HLF: variants seen among roughly 807,000 people sequenced by gnomAD.
The protein encoded by HLF is HLF transcription factor, PAR bZIP family member.
In HLF, 3 loss-of-function variants were observed where a neutral mutation model predicts 22.6. The ratio of observed to expected loss-of-function variants is 0.13; its 90% CI spans 0.06 to 0.34. The LOEUF is 0.34. Ranked by LOEUF, HLF falls within the 10% of genes least tolerant of loss-of-function variation. The probability of loss-of-function intolerance (pLI) is 1.00; values close to 1 mark genes in which losing one functional copy is unlikely to be tolerated. For missense variants in HLF, 299 were observed against 389.2 expected (o/e 0.77, Z 1.95); for synonymous variants, 151 against 151.8 (o/e 0.99, Z 0.04).
At chr17:55,311,139 G>C (rs1904809515) in intron 2 of HLF, among the ~76,000 whole-genome samples, 1 of 152,070 alleles carries the variant, frequency 6.6e-6, no homozygotes, top group Non-Finnish European at 1.5e-5. Context: ...AGTTTACCTA[G>C]AAGAGTATAT....
chr17:55,282,493 T>C (rs924724145), intron 2 of HLF, among the ~76,000 whole-genome samples: 2 of 152,354 alleles, frequency 1.3e-5, no homozygotes, highest in Admixed American at 1.3e-4. Context: ...ATGTCCATTA[T>C]TATTTCCATT....
At chr17:55,315,658 C>G (rs1905036433) in intron 3 of HLF, among the ~76,000 whole-genome samples, 1 of 152,008 alleles carries the variant, frequency 6.6e-6, no homozygotes, top group African/African-American at 2.4e-5. Context: ...TGAACAGAAA[C>G]AAGGAGAAGC....
chr17:55,286,656 A>G (rs2081006692), intron 2 of HLF, among the ~76,000 whole-genome samples: 2 of 152,222 alleles, frequency 1.3e-5, no homozygotes, highest in Admixed American at 6.5e-5. Flanking sequence ...CCCCTCTCAT[A>G]ACAAACGGTT....
chr17:55,266,190 G>C (rs930598330), intron 1 of HLF: 1 of 152,378 alleles, frequency 6.6e-6, no homozygotes, highest in Non-Finnish European at 1.5e-5. Context: ...GTGGTCTCTC[G>C]GCGGGAAGCC....
chr17:55,265,655 C>T (rs972184644), intron 1 of HLF, 56 bp downstream of exon 1: 2 of 1,334,690 alleles, frequency 1.5e-6, no homozygotes, highest in South Asian at 1.3e-5. Flanking sequence ...GGGTCCCCCT[C>T]CGCGGCCGGG....
At chr17:55,310,306 T>A (rs1202021319) in intron 2 of HLF, among the ~76,000 whole-genome samples, 4 of 152,234 alleles carry the variant, frequency 2.6e-5, no homozygotes, top group Non-Finnish European at 5.9e-5. Flanking sequence ...ATGGATCTTT[T>A]AAATAAAGCT....
rs145011339 is a variant in HLF, at chr17:55,268,096, C to A, written c.451+10C>A. 4.0e-6 allele frequency: 6 copies of A among 1,508,936 alleles called. No homozygotes were observed. In the African/African-American group the frequency reaches 5.6e-5, roughly 14 times the overall value. The allele number at this position is 1,508,936 out of a possible 1,614,324, so 93.5% of individuals were successfully genotyped here. On this transcript the variant is annotated intron_variant, in intron 2 of 3. Transcript: ENST00000226067. Reference sequence around the variant, plus strand: ...AGCCCCATCAGACCAGGTAAGTGCCCTGAAGATTCTCCCTTCAGAAAGGGA... The same window carrying A: ...AGCCCCATCAGACCAGGTAAGTGCCATGAAGATTCTCCCTTCAGAAAGGGA...
rs2080936526 is a variant in HLF, at chr17:55,279,712, C to A, written c.451+11626C>A. 1.3e-5 allele frequency among the ~76,000 whole-genome samples: 2 copies of A among 151,946 alleles called. 1 individual carries two copies. The highest frequency in any genetic ancestry group is 4.1e-4 in the South Asian group (2 of 4,822). On this transcript the variant is annotated intron_variant, in intron 2 of 3. Coordinates refer to ENST00000226067, the MANE Select transcript of HLF (RefSeq NM_002126.5). Reference sequence around the variant, plus strand: ...TAACTGTGTATATATAAATTAATATCCTGAACCACAAGTGCGTATTAGTGA... The same window carrying A: ...TAACTGTGTATATATAAATTAATATACTGAACCACAAGTGCGTATTAGTGA...
At chr17:55,265,625 G>C in intron 1 of HLF, 26 bp downstream of exon 1, 2 of 1,502,824 alleles carry the variant, frequency 1.3e-6, no homozygotes, top group Non-Finnish European at 1.8e-6. Context: ...GCCCCGCTCC[G>C]GGAAGGGACG....
At chr17:55,298,656 G>T (rs1373138614) in intron 2 of HLF, among the ~76,000 whole-genome samples, 2 of 152,156 alleles carry the variant, frequency 1.3e-5, no homozygotes. Flanking sequence ...GTAAAGCAAG[G>T]CTGAATTACT....
At chr17:55,291,352 G>A (rs1035202832) in intron 2 of HLF, among the ~76,000 whole-genome samples, 1 of 152,218 alleles carries the variant, frequency 6.6e-6, no homozygotes, top group Non-Finnish European at 1.5e-5. Flanking sequence ...GTGACTTTAA[G>A]TTGAAGCCAG....
At chr17:55,277,233 TTA>T (rs72022084) in intron 2 of HLF, among the ~76,000 whole-genome samples, 56,041 of 138,638 alleles carry the variant, frequency 0.4, 11,630 homozygotes, top group Admixed American at 0.47. Context: ...GAACCAGATG[TTA>T]TGTGTATGTG....
intron 1 of HLF, chr17:55,266,244 G>A (rs575197544): frequency 2.0e-5 from 3 of 152,416 alleles, no homozygotes; most frequent in African/African-American, 7.2e-5. Flanking sequence ...CACTTTTTCT[G>A]GTGGGAGGGG....
intron 2 of HLF, among the ~76,000 whole-genome samples, chr17:55,282,067 A>G (rs1308078225): frequency 6.6e-6 from 1 of 152,230 alleles, no homozygotes; most frequent in African/African-American, 2.4e-5. Context: ...TTCCTCATCC[A>G]GAACATGATG....
chr17:55,302,768 T>A (rs988757780), intron 2 of HLF, among the ~76,000 whole-genome samples: 1 of 152,170 alleles, frequency 6.6e-6, no homozygotes. Flanking sequence ...TTAAAAAGAC[T>A]CCAGGGACCT....
At chr17:55,307,743 T>C (rs780363883) in intron 2 of HLF, among the ~76,000 whole-genome samples, 7 of 151,628 alleles carry the variant, frequency 4.6e-5, no homozygotes, top group Non-Finnish European at 7.4e-5. Flanking sequence ...CAGGTCACTG[T>C]TCTGTGGGGC....
intron 2 of HLF, among the ~76,000 whole-genome samples, chr17:55,277,266 T>C (rs1413482323): frequency 7.3e-6 from 1 of 137,430 alleles, no homozygotes; most frequent in African/African-American, 2.7e-5. Flanking sequence ...TGTGTGTGTG[T>C]GTGTGTGTGC....
chr17:55,288,088 C>T (rs1165195990), intron 2 of HLF, among the ~76,000 whole-genome samples: 1 of 152,116 alleles, frequency 6.6e-6, no homozygotes, highest in Admixed American at 6.6e-5. Context: ...TGCTGATAGG[C>T]TCCTCATAAT....
intron 1 of HLF, chr17:55,265,879 C>T (rs2080782986): frequency 2.5e-6 from 3 of 1,208,476 alleles, no homozygotes; most frequent in Non-Finnish European, 3.1e-6. Flanking sequence ...GGAGGTGTAA[C>T]TTGACAGGTC....
Sources: gnomAD v4.1 joint callset for allele counts (sites outside exome capture counted in the v4.1 genomes callset) on GRCh38, gnomAD v4.1.1 for gene constraint, MANE v1.5 for transcripts, NCBI Gene and HGNC (gene_info 2026-07-23, HGNC 2026-07-21) for gene names.